The following KCTD21 variants were observed in gnomAD, a reference collection of about 807,000 sequenced individuals.
The protein encoded by KCTD21 is BTB/POZ domain-containing protein KCTD21.
A neutral mutation model predicts 13.2 loss-of-function variants in KCTD21; 9 were observed. The observed-to-expected ratio is 0.68, with a 90% CI of 0.41 to 1.19. The LOEUF (loss-of-function observed/expected upper bound fraction) is 1.19. KCTD21 is among the 50% of genes most tolerant of loss of function. The pLI is 0.01. For missense variants in KCTD21, 303 were observed against 336.5 expected, an observed-to-expected ratio of 0.90 and a Z score of 0.78; for synonymous variants, 142 against 137.4, an observed-to-expected ratio of 1.03 and a Z score of -0.23.
intron 1 of KCTD21, among the ~76,000 whole-genome samples, chr11:78,183,145 C>T (rs1230384058): frequency 6.6e-6 from 1 of 152,134 alleles, no homozygotes; most frequent in African/African-American, 2.4e-5. Flanking sequence ...TAAAAGAAAC[C>T]AGGGCTTCCT....
At chr11:78,188,082 G>A (rs1862851518) in intron 1 of KCTD21, 4 of 985,368 alleles carry the variant, frequency 4.1e-6, no homozygotes, top group Middle Eastern at 5.2e-4. Context: ...TGCCCACGCC[G>A]CCACAGCGCG....
chr11:78,174,335 A>AG lies in KCTD21; in HGVS notation c.219dup (p.Phe74LeufsTer21). On this transcript the variant is annotated frameshift_variant, in exon 2 of 2. Coordinates refer to ENST00000340067, the MANE Select transcript of KCTD21 (RefSeq NM_001029859.3). LOFTEE classifies it high-confidence loss of function. ...CTGCGGAGCAGCCCCATCTCCTGGA[A>AG]GTCCTCAGGCAGGTCAAGGTGGGAG... 6.2e-7 allele frequency: 1 copy of AG among 1,614,040 alleles called. No individual in the cohort carries two copies. Among genetic ancestry groups the AG allele is most frequent in the East Asian group, 2.2e-5 (1 of 44,862 alleles).
At chr11:78,185,566 C>T (rs1862741423) in intron 1 of KCTD21, among the ~76,000 whole-genome samples, 1 of 151,772 alleles carries the variant, frequency 6.6e-6, no homozygotes, top group African/African-American at 2.4e-5. Flanking sequence ...TGGATAGAGC[C>T]ACCACCCACA....
intron 1 of KCTD21, among the ~76,000 whole-genome samples, chr11:78,176,066 C>T (rs1417395846): frequency 6.6e-6 from 1 of 152,146 alleles, no homozygotes; most frequent in Admixed American, 6.5e-5. Context: ...GACATGAACT[C>T]ATCATTTTTT....
At position 78,172,423 on chromosome 11, in the gene KCTD21, C is replaced by T. The variant is rs1419490100; in HGVS notation, c.*1349G>A. The T allele has an allele frequency of 6.6e-6, 1 of 152,214 alleles. No individual in the cohort carries two copies. Among genetic ancestry groups the T allele is most frequent in the Admixed American group, 6.5e-5 (1 of 15,280 alleles). The allele number at this position is 152,214 out of a possible 1,614,324, so 9.4% of individuals were successfully genotyped here. On this transcript the variant is annotated 3_prime_UTR_variant, in exon 2 of 2. Coordinates refer to ENST00000340067, the MANE Select transcript of KCTD21 (RefSeq NM_001029859.3). ...GATCTCCTCAGGGGCCGTGAATCTT[C>T]CTCTTCCAGCAGAAAATGGTCGAAA... is the stretch of plus-strand genomic sequence containing the variant.
chr11:78,176,168 C>T (rs1862446398), intron 1 of KCTD21: 1 of 152,162 alleles, frequency 6.6e-6, no homozygotes. Context: ...CAAGTCTTTG[C>T]TACTGTGAAT....
At chr11:78,178,749 G>T (rs1021786924) in intron 1 of KCTD21, among the ~76,000 whole-genome samples, 10 of 152,198 alleles carry the variant, frequency 6.6e-5, no homozygotes, top group African/African-American at 2.4e-4. Context: ...CAATTCTGTT[G>T]ACTTCCCAAA....
chr11:78,188,041 A>G, intron 1 of KCTD21: 2 of 985,402 alleles, frequency 2.0e-6, no homozygotes, highest in Non-Finnish European at 2.4e-6. Flanking sequence ...TCCAGTCAGT[A>G]AAGGGAGGTG....
Position 78,173,716 on chromosome 11 carries a change from A to G in KCTD21, c.*56T>C. ...CACCACTGGCGAGATGCCCTCCAAG[A>G]CCTGGCTGACATGAGCTTCCTGGGA... On this transcript the variant is annotated 3_prime_UTR_variant, in exon 2 of 2. Transcript: ENST00000340067. The G allele has an allele frequency of 6.8e-7, 1 of 1,476,396 alleles. No individual in the cohort carries two copies. Among genetic ancestry groups the G allele is most frequent in the African/African-American group, 1.4e-5 (1 of 71,976 alleles). 91.5% of individuals were successfully genotyped at this position (1,476,396 alleles called of 1,614,324 possible).
At chr11:78,183,264 G>A (rs901703827) in intron 1 of KCTD21, among the ~76,000 whole-genome samples, 3 of 152,130 alleles carry the variant, frequency 2.0e-5, no homozygotes, top group Admixed American at 6.5e-5. Flanking sequence ...GGCTGGGTGC[G>A]GTAGTTCATG....
Position 78,173,662 on chromosome 11 carries a change from A to T in KCTD21, c.*110T>A. 2.3e-6 allele frequency: 2 copies of T among 875,788 alleles called. No homozygotes were observed. Among genetic ancestry groups the T allele is most frequent in the Non-Finnish European group, 3.6e-6 (2 of 560,748 alleles). The allele number at this position is 875,788 out of a possible 1,614,324, so 54.3% of individuals were successfully genotyped here. ...GGGAATCAAGTCCTGCTACACAATT[A>T]ATACAGATTAGTATAGTCCCCTGCC... On this transcript the variant is annotated 3_prime_UTR_variant, in exon 2 of 2. Coordinates refer to ENST00000340067, the MANE Select transcript of KCTD21 (RefSeq NM_001029859.3).
Position 78,172,351 on chromosome 11 carries a change from T to A in KCTD21, c.*1421A>T, listed in dbSNP as rs917690527. On this transcript the variant is annotated 3_prime_UTR_variant, in exon 2 of 2. Coordinates refer to ENST00000340067, the MANE Select transcript of KCTD21 (RefSeq NM_001029859.3). Reference sequence around the variant, plus strand: ...GCACTGTTACGGTTCATACCACTCCTGGGCTCCTTGCTGCACAGCACCCTT... The same window carrying A: ...GCACTGTTACGGTTCATACCACTCCAGGGCTCCTTGCTGCACAGCACCCTT... 5.9e-5 allele frequency: 9 copies of A among 152,264 alleles called. No individual in the cohort carries two copies. Among genetic ancestry groups the A allele is most frequent in the African/African-American group, 2.2e-4 (9 of 41,466 alleles). The allele number at this position is 152,264 out of a possible 1,614,324, so 9.4% of individuals were successfully genotyped here.
chr11:78,180,495 T>A (rs1336916816), intron 1 of KCTD21, among the ~76,000 whole-genome samples: 1 of 152,198 alleles, frequency 6.6e-6, no homozygotes, highest in African/African-American at 2.4e-5. Context: ...ACCCTATCTC[T>A]ACTTAAACAA....
rs140057243 is a variant in KCTD21, at chr11:78,187,447, A to G, written c.-30+1126T>C. 504 of 985,392 alleles carry G rather than the reference A, an allele frequency of 5.1e-4. 2 individuals are homozygous for G. The African/African-American group carries it at 8.3e-3, about 16-fold the overall frequency. 61.0% of individuals were successfully genotyped at this position (985,392 alleles called of 1,614,324 possible). ...GCTGCGCAAAAGGCAGGAGGAGAGA[A>G]AGGTGGGCTGGAAGAAGGAGACCAC... On this transcript the variant is annotated intron_variant, in intron 1 of 1. Transcript: ENST00000340067.
chr11:78,187,081 G>C lies in KCTD21; in HGVS notation c.-30+1492C>G, dbSNP rs1490712864. ...TGACAAGGCCGAGGTGATTACTTGG[G>C]AGTAAATGCAAGGAGAGTTTCCACT... On this transcript the variant is annotated intron_variant, in intron 1 of 1. Coordinates refer to ENST00000340067, the MANE Select transcript of KCTD21 (RefSeq NM_001029859.3). The C allele has an allele frequency of 5.1e-6, 5 of 985,296 alleles. No homozygotes were observed. The African/African-American group carries it at 7.0e-5, about 14-fold the overall frequency. 61.0% of individuals were successfully genotyped at this position (985,296 alleles called of 1,614,324 possible). A position where few individuals can be genotyped will look rare whatever the true frequency, so the allele number is the denominator to read the frequency against.
In KCTD21 at chr11:78,172,468, G is replaced by A. The variant is rs1936614039; in HGVS notation, c.*1304C>T. ...TCGAAAGGTATATGGAGCCACAGAT[G>A]GTGGGGAAGGTGGGTGAAGTGGGGG... On this transcript the variant is annotated 3_prime_UTR_variant, in exon 2 of 2. Transcript: ENST00000340067. 1 of 152,220 alleles carries A rather than the reference G, an allele frequency of 6.6e-6. No individual in the cohort carries two copies. The highest frequency in any genetic ancestry group is 2.4e-5 in the African/African-American group (1 of 41,432). 9.4% of individuals were successfully genotyped at this position (152,220 alleles called of 1,614,324 possible). A position where few individuals can be genotyped will look rare whatever the true frequency, so the allele number is the denominator to read the frequency against.
chr11:78,175,642 CAT>C (rs1388757169), intron 1 of KCTD21, among the ~76,000 whole-genome samples: 122 of 152,272 alleles, frequency 8.0e-4, no homozygotes, highest in South Asian at 6.0e-3. Context: ...AATGAATGGC[CAT>C]GATTAGTGTC....
At chr11:78,184,388 G>A (rs1347743629) in intron 1 of KCTD21, among the ~76,000 whole-genome samples, 1 of 152,076 alleles carries the variant, frequency 6.6e-6, no homozygotes, top group Admixed American at 6.5e-5. Context: ...CCAGGCTGGA[G>A]TGCAGTGGCA....
At position 78,172,909 on chromosome 11, in the gene KCTD21, C is replaced by A. The variant is rs1361063931; in HGVS notation, c.*863G>T. 1 of 152,548 alleles carries A rather than the reference C, an allele frequency of 6.6e-6. No homozygotes were observed. Among genetic ancestry groups the A allele is most frequent in the Non-Finnish European group, 1.5e-5 (1 of 68,024 alleles). 9.4% of individuals were successfully genotyped at this position (152,548 alleles called of 1,614,324 possible). A position where few individuals can be genotyped will look rare whatever the true frequency, so the allele number is the denominator to read the frequency against. On this transcript the variant is annotated 3_prime_UTR_variant, in exon 2 of 2. Transcript: ENST00000340067. ...GTTCTAGGGGTGGGGGAGGACTAAGCAATCATCGAATTATTTCCAACCCTG... is the reference window on the plus strand; with the variant it reads ...GTTCTAGGGGTGGGGGAGGACTAAGAAATCATCGAATTATTTCCAACCCTG...
Sources: gnomAD v4.1 joint callset for allele counts (sites outside exome capture counted in the v4.1 genomes callset) on GRCh38, gnomAD v4.1.1 for gene constraint, MANE v1.5 for transcripts, NCBI Gene and HGNC (gene_info 2026-07-23, HGNC 2026-07-21) for gene names.